KCMF1: variants seen among roughly 807,000 people sequenced by gnomAD.
KCMF1 encodes the protein potassium channel modulatory factor 1.
KCMF1 carries 3 observed loss-of-function variants against 41.1 expected under a neutral mutation model. The ratio of observed to expected loss-of-function variants is 0.07; its 90% confidence interval spans 0.03 to 0.19. The LOEUF is 0.19. KCMF1 is among the 10% of genes least tolerant of loss of function. The pLI is 1.00. For synonymous variants in KCMF1, 142 were observed against 164.5 expected (o/e 0.86, Z 1.04); for missense variants, 286 against 488.9 (o/e 0.58, Z 3.91).
At chr2:85,010,193 C>T (rs1031641298) in intron 1 of KCMF1, among the ~76,000 whole-genome samples, 1 of 152,088 alleles carries the variant, frequency 6.6e-6, no homozygotes, top group Non-Finnish European at 1.5e-5. Context: ...TGCTCTTGGC[C>T]GGGCGTGGTG....
At chr2:84,995,879 T>C (rs1331516948) in intron 1 of KCMF1, among the ~76,000 whole-genome samples, 1 of 152,234 alleles carries the variant, frequency 6.6e-6, no homozygotes, top group Non-Finnish European at 1.5e-5. Flanking sequence ...TGTGATAATA[T>C]GCCTTTCAAG....
At chr2:85,043,283 T>C (rs1675585771) in intron 3 of KCMF1, among the ~76,000 whole-genome samples, 1 of 152,120 alleles carries the variant, frequency 6.6e-6, no homozygotes, top group South Asian at 2.1e-4. Context: ...TTTTTTTTAA[T>C]GGAAACTATT....
Position 85,058,997 on chromosome 2 carries a change from G to A in KCMF1, c.*5588G>A, listed in dbSNP as rs1018700669. ...TGAGGTAGATGCAGCAATATTCCTG[G>A]GGTAAGATTCTATAATACTCCTGTA... On this transcript the variant is annotated 3_prime_UTR_variant, in exon 7 of 7. Coordinates refer to ENST00000409785, the MANE Select transcript of KCMF1 (RefSeq NM_020122.5). The A allele has an allele frequency of 3.3e-5, 5 of 152,052 alleles. No homozygotes were observed. Among genetic ancestry groups the A allele is most frequent in the African/African-American group, 1.2e-4 (5 of 41,368 alleles). The allele number at this position is 152,052 out of a possible 1,614,324, so 9.4% of individuals were successfully genotyped here.
chr2:84,980,338 A>G (rs1309053570), intron 1 of KCMF1, among the ~76,000 whole-genome samples: 2 of 152,146 alleles, frequency 1.3e-5, no homozygotes, highest in Non-Finnish European at 2.9e-5. Flanking sequence ...GAAGCTTGGA[A>G]ATGGATCTGT....
chr2:84,978,017 T>C (rs1277032458), intron 1 of KCMF1, among the ~76,000 whole-genome samples: 2 of 152,032 alleles, frequency 1.3e-5, no homozygotes, highest in African/African-American at 4.8e-5. Context: ...TTTTTTTTTT[T>C]TTCTTTCCTC....
rs374601099 is a variant in KCMF1, at chr2:85,053,174, C to T, written c.911C>T (p.Thr304Met). 3.4e-5 allele frequency: 55 copies of T among 1,613,626 alleles called. No individual in the cohort carries two copies. In the East Asian group the frequency reaches 7.8e-4, roughly 23 times the overall value. The change falls in exon 7 of 7, where the codon ACG becomes ATG. Residue 304 changes from threonine (T) to methionine (M), a missense_variant. By Grantham distance (81) the Thr-to-Met change is moderately conservative. This residue lies in a region of KCMF1 where 191 missense variants were observed against 279.3 expected (regional missense o/e 0.68). Coordinates refer to ENST00000409785, the MANE Select transcript of KCMF1 (RefSeq NM_020122.5). ...TTGAATGATCCTAAAATGTCTGAAA[C>T]GGAGCGCCAGTCCATGGAAAGCGAG... ...TRLNDPKMSE[T>M]ERQSMESERA...
At position 84,997,764 on chromosome 2, in the gene KCMF1, CTTTTTTTTTTTTT is replaced by C. The variant is rs112460793; in HGVS notation, c.16+26309_16+26321del. Among the ~76,000 whole-genome samples, 412 of 80,258 alleles carry C rather than the reference CTTTTTTTTTTTTT, an allele frequency of 5.1e-3. 1 individual carries two copies. The highest frequency in any genetic ancestry group is 7.3e-3 in the Non-Finnish European group (316 of 43,432). 52.7% of individuals were successfully genotyped at this position (80,258 alleles called of 152,430 possible). On this transcript the variant is annotated intron_variant, in intron 1 of 6. Coordinates refer to ENST00000409785, the MANE Select transcript of KCMF1 (RefSeq NM_020122.5). ...TGACTTACAGCAAAAAATACATTTT[CTTTTTTTTTTTTT>C]TTTTTTTTTTTGAGATGGAATCTCA...
At chr2:85,017,744 C>G (rs371751781) in intron 1 of KCMF1, among the ~76,000 whole-genome samples, 9 of 152,250 alleles carry the variant, frequency 5.9e-5, no homozygotes, top group African/African-American at 1.9e-4. Context: ...CATCAACTCT[C>G]TATTCCCTAG....
Position 85,054,811 on chromosome 2 carries a change from A to C in KCMF1, c.*1402A>C, listed in dbSNP as rs1675890630. On this transcript the variant is annotated 3_prime_UTR_variant, in exon 7 of 7. Coordinates refer to ENST00000409785, the MANE Select transcript of KCMF1 (RefSeq NM_020122.5). ...TTCTCTTTTCTCTGAGCCCTTTTCA[A>C]AGTCTCCTCTCTTTCTCCTGTCATC... The C allele has an allele frequency of 6.6e-6, 1 of 152,136 alleles. No individual in the cohort carries two copies. The highest frequency in any genetic ancestry group is 1.5e-5 in the Non-Finnish European group (1 of 68,038). The allele number at this position is 152,136 out of a possible 1,614,324, so 9.4% of individuals were successfully genotyped here. A position where few individuals can be genotyped will look rare whatever the true frequency, so the allele number is the denominator to read the frequency against.
At chr2:84,998,252 C>T (rs893553250) in intron 1 of KCMF1, among the ~76,000 whole-genome samples, 4 of 151,674 alleles carry the variant, frequency 2.6e-5, no homozygotes, top group Non-Finnish European at 2.9e-5. Flanking sequence ...CCACCATGCC[C>T]GGCTGATTTT....
intron 2 of KCMF1, among the ~76,000 whole-genome samples, chr2:85,032,027 C>T (rs1426625494): frequency 6.6e-6 from 1 of 152,194 alleles, no homozygotes; most frequent in African/African-American, 2.4e-5. Flanking sequence ...CATGAGCCAC[C>T]GCGGCTGTTT....
At chr2:84,986,006 C>T (rs1673892479) in intron 1 of KCMF1, among the ~76,000 whole-genome samples, 1 of 152,170 alleles carries the variant, frequency 6.6e-6, no homozygotes, top group South Asian at 2.1e-4. Context: ...GAAACATATA[C>T]TTTGTTTTCT....
intron 1 of KCMF1, among the ~76,000 whole-genome samples, chr2:84,973,163 G>C (rs1158245711): frequency 2.5e-4 from 38 of 152,226 alleles, no homozygotes; most frequent in Non-Finnish European, 5.9e-5. Flanking sequence ...GGGTTAGTTA[G>C]AGAATCACAG....
chr2:85,010,836 T>C (rs1487075934), intron 1 of KCMF1, among the ~76,000 whole-genome samples: 2 of 151,910 alleles, frequency 1.3e-5, no homozygotes, highest in African/African-American at 4.8e-5. Context: ...CAGTGAGTTA[T>C]AATCTATTAC....
intron 1 of KCMF1, among the ~76,000 whole-genome samples, chr2:85,014,720 CGTGCGTGTGT>C (rs1434253845): frequency 2.1e-5 from 3 of 141,760 alleles, no homozygotes; most frequent in Non-Finnish European, 3.1e-5. Flanking sequence ...TGCGTGCGTG[CGTGCGTGTGT>C]GTGTGTGTGT....
At chr2:84,991,088 G>T (rs1272138614) in intron 1 of KCMF1, among the ~76,000 whole-genome samples, 2 of 152,182 alleles carry the variant, frequency 1.3e-5, no homozygotes, top group African/African-American at 4.8e-5. Flanking sequence ...TAGGATGGAG[G>T]CATGACAGTG....
intron 1 of KCMF1, among the ~76,000 whole-genome samples, chr2:84,975,771 T>A (rs1166869223): frequency 6.6e-6 from 1 of 152,234 alleles, no homozygotes; most frequent in African/African-American, 2.4e-5. Context: ...AATGTAAGTA[T>A]GTTATTCAGA....
At chr2:84,981,568 A>G (rs1673754338) in intron 1 of KCMF1, among the ~76,000 whole-genome samples, 1 of 152,074 alleles carries the variant, frequency 6.6e-6, no homozygotes, top group Non-Finnish European at 1.5e-5. Context: ...CTTTTTCTAC[A>G]GTAAGAGGAT....
chr2:84,972,069 C>T (rs1313774651), intron 1 of KCMF1: 1 of 152,192 alleles, frequency 6.6e-6, no homozygotes, highest in Non-Finnish European at 1.5e-5. Flanking sequence ...GCGGCTAGGC[C>T]TCGGCGCGTC....
Sources: gnomAD v4.1 joint callset for allele counts (sites outside exome capture counted in the v4.1 genomes callset) on GRCh38, gnomAD v4.1.1 for gene constraint, gnomAD v4.1.1 regional missense constraint, MANE v1.5 for transcripts, NCBI Gene and HGNC (gene_info 2026-07-23, HGNC 2026-07-21) for gene names.